XRN1: variants seen among roughly 807,000 people sequenced by gnomAD.
The protein encoded by XRN1 is strand-exchange protein 1 homolog.
XRN1 carries 67 observed loss-of-function variants against 222.3 expected under a neutral mutation model. The observed-to-expected ratio is 0.30, with a 90% CI of 0.25 to 0.37. XRN1 has a LOEUF of 0.37. XRN1 is among the 10% of genes least tolerant of loss of function. XRN1 has a pLI of 1.00. For synonymous variants in XRN1, 643 were observed against 652.4 expected (o/e 0.99, Z 0.22); for missense variants, 1,707 against 2,000.2 (o/e 0.85, Z 2.80).
Position 142,329,591 on chromosome 3 carries a change from CT to C in XRN1, c.4246del (p.Ser1416ValfsTer29). The C allele has an allele frequency of 6.4e-7, 1 of 1,551,096 alleles. No individual in the cohort carries two copies. The highest frequency in any genetic ancestry group is 1.4e-5 in the African/African-American group (1 of 70,640). ...CTGAACATTATGGTACTCATTAGCA[CT>C]GTGAGGCTTGTTCATATAAGATGCT... ...KLASYMNKPH[S>X]ANEYHNVQSM... On this transcript the variant is annotated frameshift_variant, in exon 37 of 41. Coordinates refer to ENST00000392981, the MANE Select transcript of XRN1 (RefSeq NM_001282857.2). LOFTEE classifies it high-confidence loss of function.
In XRN1 at chr3:142,417,166, G is replaced by A. The variant is rs370849041; in HGVS notation, c.1410C>T (p.Tyr470=). 6 of 1,613,338 alleles carry A rather than the reference G, an allele frequency of 3.7e-6. No homozygotes were observed. The highest frequency in any genetic ancestry group is 4.2e-6 in the Non-Finnish European group (5 of 1,179,744). ...AGCTCCAGGACTGAACTCCATGATA[G>A]TAATAGTGCAAAATCCACTGTATTG... The part of the protein sequence containing the change: ...VQAIQWILHY[Y]YHGVQSWSWY... The change falls in exon 13 of 41, where the codon TAC becomes TAT. Residue 470 remains tyrosine, a synonymous_variant. Coordinates refer to ENST00000392981, the MANE Select transcript of XRN1 (RefSeq NM_001282857.2).
chr3:142,439,073 C>T (rs181604242), intron 1 of XRN1, among the ~76,000 whole-genome samples: 1 of 152,274 alleles, frequency 6.6e-6, no homozygotes, highest in African/African-American at 2.4e-5. Context: ...AGTGCATGTA[C>T]CTTTTTCTGT....
At chr3:142,386,747 A>G (rs930227312) in intron 20 of XRN1, among the ~76,000 whole-genome samples, 8 of 152,186 alleles carry the variant, frequency 5.3e-5, no homozygotes, top group Non-Finnish European at 1.2e-4. Context: ...AGGATGTTCA[A>G]TTTTATTAGT....
chr3:142,384,048 A>G (rs1323724064), intron 21 of XRN1, among the ~76,000 whole-genome samples: 4 of 152,058 alleles, frequency 2.6e-5, no homozygotes, highest in Non-Finnish European at 2.9e-5. Context: ...AGGTGGGTGG[A>G]TCACGAGGTC....
chr3:142,370,403 G>T, intron 27 of XRN1, 82 bp downstream of exon 27: 1 of 1,454,600 alleles, frequency 6.9e-7, no homozygotes, highest in Non-Finnish European at 9.3e-7. Context: ...TTATTTGGTT[G>T]AAACACAAAT....
At chr3:142,366,205 C>T (rs1298341384) in intron 27 of XRN1, among the ~76,000 whole-genome samples, 2 of 152,082 alleles carry the variant, frequency 1.3e-5, no homozygotes, top group Non-Finnish European at 2.9e-5. Context: ...ACTATTCATA[C>T]TAAAAAAATT....
At chr3:142,403,263 T>G (rs948038765) in intron 18 of XRN1, among the ~76,000 whole-genome samples, 35 of 152,208 alleles carry the variant, frequency 2.3e-4, no homozygotes, top group African/African-American at 8.2e-4. Context: ...AAGAAATAGT[T>G]CAGATACACA....
chr3:142,424,698 A>T (rs2069177496), intron 5 of XRN1, among the ~76,000 whole-genome samples: 1 of 152,146 alleles, frequency 6.6e-6, no homozygotes, highest in African/African-American at 2.4e-5. Flanking sequence ...AATGTTTAGG[A>T]TTTGCTTTAA....
chr3:142,317,258 CACTT>C lies in XRN1; in HGVS notation c.4621+1330_4621+1333del, dbSNP rs376981187. Among the ~76,000 whole-genome samples the C allele has an allele frequency of 6.5e-4, 99 of 152,198 alleles. 1 individual carries two copies. In the South Asian group the frequency reaches 0.018, roughly 28 times the overall value. On this transcript the variant is annotated intron_variant, in intron 39 of 40. Transcript: ENST00000392981. Reference sequence around the variant, plus strand: ...TTAGAAAAGTTTATTATTTTTTTGACACTTACCTCCTTTCCTTCATCTCTGATCT... The same window carrying C: ...TTAGAAAAGTTTATTATTTTTTTGACACCTCCTTTCCTTCATCTCTGATCT...
chr3:142,313,520 G>A (rs1260466113), intron 39 of XRN1, among the ~76,000 whole-genome samples: 1 of 152,146 alleles, frequency 6.6e-6, no homozygotes, highest in Non-Finnish European at 1.5e-5. Context: ...CAAGGCACCA[G>A]CACACGCCAC....
chr3:142,405,766 T>C (rs766274181), intron 15 of XRN1, among the ~76,000 whole-genome samples: 5 of 152,052 alleles, frequency 3.3e-5, no homozygotes, highest in Non-Finnish European at 5.9e-5. Flanking sequence ...CCTAACTAGC[T>C]ATCCAGCTGA....
intron 12 of XRN1, 151 bp from the exon 13 acceptor site, chr3:142,417,380 C>T: frequency 1.6e-6 from 1 of 626,530 alleles, no homozygotes; most frequent in Non-Finnish European, 2.7e-6. Flanking sequence ...ATCCTAAAAA[C>T]TCCAAAATAT....
intron 40 of XRN1, 30 bp downstream of exon 40, chr3:142,312,568 T>C: frequency 6.7e-7 from 1 of 1,498,084 alleles, no homozygotes; most frequent in South Asian, 1.4e-5. Context: ...ATTAAACAAA[T>C]AATTATCTTA....
chr3:142,440,005 C>T (rs2070128416), intron 1 of XRN1, among the ~76,000 whole-genome samples: 2 of 152,128 alleles, frequency 1.3e-5, no homozygotes, highest in Admixed American at 6.6e-5. Context: ...TCTCAGGAGA[C>T]GAAGGTCCTG....
At chr3:142,370,837 T>G (rs571076943) in intron 26 of XRN1, among the ~76,000 whole-genome samples, 1 of 151,838 alleles carries the variant, frequency 6.6e-6, no homozygotes, top group Non-Finnish European at 1.5e-5. Flanking sequence ...TGAAAGAAAA[T>G]TTGTTAAGCT....
At position 142,448,023 on chromosome 3, in the gene XRN1, C is replaced by A. The variant is rs1047179450; in HGVS notation, c.-79G>T. 69 of 1,467,320 alleles carry A rather than the reference C, an allele frequency of 4.7e-5. No individual in the cohort carries two copies. The highest frequency in any genetic ancestry group is 6.2e-5 in the Non-Finnish European group (65 of 1,056,786). 90.9% of individuals were successfully genotyped at this position (1,467,320 alleles called of 1,614,324 possible). A position where few individuals can be genotyped will look rare whatever the true frequency, so the allele number is the denominator to read the frequency against. On this transcript the variant is annotated 5_prime_UTR_variant, in exon 1 of 41. Transcript: ENST00000392981. ...CCGGGGCTCCGCCGCAGCCTCCGGT[C>A]GTCGCTCCGCGGATGACAACACACC...
intron 27 of XRN1, among the ~76,000 whole-genome samples, chr3:142,368,074 G>A (rs982394602): frequency 2.9e-4 from 44 of 149,962 alleles, no homozygotes; most frequent in Admixed American, 2.7e-3. Flanking sequence ...TAAATGATAT[G>A]GAGTTAATAT....
rs2065028855 is a variant in XRN1, at chr3:142,309,229, T to C, written c.*2282A>G. 1 of 152,142 alleles carries C rather than the reference T, an allele frequency of 6.6e-6. No homozygotes were observed. Among genetic ancestry groups the C allele is most frequent in the Non-Finnish European group, 1.5e-5 (1 of 68,034 alleles). The allele number at this position is 152,142 out of a possible 1,614,324, so 9.4% of individuals were successfully genotyped here. A position where few individuals can be genotyped will look rare whatever the true frequency, so the allele number is the denominator to read the frequency against. On this transcript the variant is annotated 3_prime_UTR_variant, in exon 41 of 41. Transcript: ENST00000392981. ...AAAAAAAGTAAGGATAATAAAACTT[T>C]TTTCTTTTTTTTGAGACAGAGTCTT...
At chr3:142,343,623 T>C (rs79134651) in intron 33 of XRN1, among the ~76,000 whole-genome samples, 12,077 of 152,186 alleles carry the variant, frequency 0.079, 1,611 homozygotes, top group African/African-American at 0.27. Flanking sequence ...TACCCCTGTA[T>C]ACTGTTGGTG....
Sources: allele counts gnomAD v4.1 joint callset (sites outside exome capture counted in the v4.1 genomes callset), GRCh38; gene constraint gnomAD v4.1.1; transcripts MANE v1.5; gene names NCBI Gene and HGNC (gene_info 2026-07-23, HGNC 2026-07-21).